BTC: variants seen among roughly 807,000 people sequenced by gnomAD.
BTC encodes the protein betacellulin, also known as probetacellulin.
BTC carries 13 observed loss-of-function variants against 18.1 expected under a neutral mutation model. The observed-to-expected ratio is 0.72, with a 90% CI of 0.47 to 1.14. BTC has a LOEUF of 1.14. Ranked by LOEUF, BTC falls within the 50% of genes most tolerant of loss-of-function variation. The pLI is 0.00. For missense variants in BTC, 247 were observed against 224.2 expected, an observed-to-expected ratio of 1.10 and a Z score of -0.65; for synonymous variants, 83 against 79.4, an observed-to-expected ratio of 1.05 and a Z score of -0.24.
At chr4:74,759,640 AGACAT>A (rs1464412159) in intron 2 of BTC, among the ~76,000 whole-genome samples, 2 of 148,942 alleles carry the variant, frequency 1.3e-5, no homozygotes, top group African/African-American at 4.9e-5. Flanking sequence ...ATATAAATAA[AGACAT>A]GACATTTAAG....
In BTC at chr4:74,745,915, C is replaced by T. The variant is rs944166202; in HGVS notation, c.*762G>A. 8 of 152,036 alleles carry T rather than the reference C, an allele frequency of 5.3e-5. No individual in the cohort carries two copies. The highest frequency in any genetic ancestry group is 1.9e-4 in the African/African-American group (8 of 41,400). The allele number at this position is 152,036 out of a possible 1,614,324, so 9.4% of individuals were successfully genotyped here. On this transcript the variant is annotated 3_prime_UTR_variant, in exon 6 of 6. Transcript: ENST00000395743. ...ACATCATTGAGAATTTATAAAGGAG[C>T]AAAGAAACATAATAAAAGCCAATTC... is the stretch of plus-strand genomic sequence containing the variant.
chr4:74,783,425 T>A (rs1174105062), intron 1 of BTC, among the ~76,000 whole-genome samples: 1 of 152,114 alleles, frequency 6.6e-6, no homozygotes, highest in African/African-American at 2.4e-5. Context: ...TGTGGTCTTA[T>A]CTCTGAGTTC....
At chr4:74,768,097 A>G (rs988038596) in intron 2 of BTC, among the ~76,000 whole-genome samples, 1 of 152,120 alleles carries the variant, frequency 6.6e-6, no homozygotes, top group Non-Finnish European at 1.5e-5. Flanking sequence ...GTGCAGAGAT[A>G]GGGTTAGAAG....
At chr4:74,791,988 CACACACACACACACACACAA>C (rs1017839365) in intron 1 of BTC, among the ~76,000 whole-genome samples, 6 of 146,896 alleles carry the variant, frequency 4.1e-5, no homozygotes, top group African/African-American at 1.3e-4. Context: ...CACACACACA[CACACACACACACACACACAA>C]ACACTAGTGT....
At chr4:74,777,440 C>T (rs1348320825) in intron 1 of BTC, among the ~76,000 whole-genome samples, 1 of 152,166 alleles carries the variant, frequency 6.6e-6, no homozygotes, top group Non-Finnish European at 1.5e-5. Context: ...TAAGTGGATA[C>T]TGACAAATTT....
At chr4:74,779,480 T>A (rs149974578) in intron 1 of BTC, among the ~76,000 whole-genome samples, 111 of 152,268 alleles carry the variant, frequency 7.3e-4, no homozygotes, top group African/African-American at 2.5e-3. Context: ...TCCCATTCCT[T>A]TATAATAAGG....
At chr4:74,749,605 G>T (rs150068813) in intron 4 of BTC, among the ~76,000 whole-genome samples, 199 of 151,322 alleles carry the variant, frequency 1.3e-3, no homozygotes, top group African/African-American at 4.7e-3. Flanking sequence ...GTGGACCACA[G>T]TGAAGGGTAG....
At chr4:74,747,045 T>A (rs1560706510) in intron 5 of BTC, among the ~76,000 whole-genome samples, 1 of 152,222 alleles carries the variant, frequency 6.6e-6, no homozygotes, top group Non-Finnish European at 1.5e-5. Flanking sequence ...GTTCCTTACG[T>A]GTGAGCCTCT....
intron 1 of BTC, among the ~76,000 whole-genome samples, chr4:74,783,143 C>T (rs1725380713): frequency 6.6e-6 from 1 of 152,064 alleles, no homozygotes; most frequent in South Asian, 2.1e-4. Context: ...GTTGCAATTG[C>T]TTTTGGTGTT....
chr4:74,773,107 T>A (rs2109903569), intron 1 of BTC, among the ~76,000 whole-genome samples: 1 of 152,304 alleles, frequency 6.6e-6, no homozygotes, highest in African/African-American at 2.4e-5. Context: ...AACCTACAGG[T>A]CACAGGTTGG....
chr4:74,787,784 C>T (rs114666073), intron 1 of BTC, among the ~76,000 whole-genome samples: 2,576 of 152,260 alleles, frequency 0.017, 64 homozygotes, highest in African/African-American at 0.059. Context: ...TTCCCACATA[C>T]GTAAAGTCTT....
At chr4:74,752,302 A>C (rs72867533) in intron 3 of BTC, among the ~76,000 whole-genome samples, 3,738 of 152,116 alleles carry the variant, frequency 0.025, 162 homozygotes, top group African/African-American at 0.085. Flanking sequence ...TCAAAATTAC[A>C]GGAAGAGAGC....
chr4:74,776,438 C>T (rs1355976312), intron 1 of BTC, among the ~76,000 whole-genome samples: 1 of 152,138 alleles, frequency 6.6e-6, no homozygotes, highest in East Asian at 1.9e-4. Flanking sequence ...AAAATATCAA[C>T]TCCACTCATA....
In BTC at chr4:74,750,578, GC is replaced by G; in HGVS notation, c.422del (p.Cys141SerfsTer25). On this transcript the variant is annotated frameshift_variant, in exon 4 of 6. Coordinates refer to ENST00000395743, the MANE Select transcript of BTC (RefSeq NM_001729.4). LOFTEE classifies it high-confidence loss of function. ...FIILVIGVCT[C>X]CHPLRKRRKR... ...TTAAGTTTAAAAATACTTACTGACAGCATGTGCAGACACCGATGACCAAAAT... is the reference window on the plus strand; with the variant it reads ...TTAAGTTTAAAAATACTTACTGACAGATGTGCAGACACCGATGACCAAAAT... 1.2e-6 allele frequency: 2 copies of G among 1,609,654 alleles called. No homozygotes were observed. The highest frequency in any genetic ancestry group is 1.7e-6 in the Non-Finnish European group (2 of 1,178,590).
At chr4:74,790,415 C>T (rs1044180765) in intron 1 of BTC, among the ~76,000 whole-genome samples, 3 of 152,112 alleles carry the variant, frequency 2.0e-5, no homozygotes, top group Non-Finnish European at 4.4e-5. Flanking sequence ...AAGAGACTTG[C>T]CCGAAGTTTC....
At chr4:74,765,930 C>A (rs527821369) in intron 2 of BTC, among the ~76,000 whole-genome samples, 2 of 152,068 alleles carry the variant, frequency 1.3e-5, no homozygotes, top group Non-Finnish European at 2.9e-5. Context: ...CAAATTTAGA[C>A]GGTGTAGCCT....
At chr4:74,751,586 C>T (rs1724462342) in intron 3 of BTC, among the ~76,000 whole-genome samples, 2 of 152,138 alleles carry the variant, frequency 1.3e-5, no homozygotes, top group African/African-American at 2.4e-5. Flanking sequence ...CCTTAGGATA[C>T]ATCTAACATA....
chr4:74,773,472 T>C (rs540579421), intron 1 of BTC, among the ~76,000 whole-genome samples: 1 of 152,134 alleles, frequency 6.6e-6, no homozygotes, highest in African/African-American at 2.4e-5. Context: ...GAAAGGACAC[T>C]CCATTCATAA....
At chr4:74,753,663 G>C (rs530720562) in intron 3 of BTC, among the ~76,000 whole-genome samples, 94 of 152,266 alleles carry the variant, frequency 6.2e-4, no homozygotes, top group Middle Eastern at 3.4e-3. Context: ...AATGGCAAGA[G>C]AGTTTTGCCT....
Sources: allele counts gnomAD v4.1 joint callset (sites outside exome capture counted in the v4.1 genomes callset), GRCh38; gene constraint gnomAD v4.1.1; transcripts MANE v1.5; gene names NCBI Gene and HGNC (gene_info 2026-07-23, HGNC 2026-07-21).